Variants in CFAP61 observed in about 807,000 individuals in gnomAD.
The protein encoded by CFAP61 is cilia and flagella associated protein 61, also known as cilia- and flagella-associated protein 61.
CFAP61 carries 107 observed loss-of-function variants against 135.6 expected under a neutral mutation model. The observed-to-expected ratio is 0.79, with a 90% CI of 0.67 to 0.93. CFAP61 has a LOEUF of 0.93. Ranked by LOEUF, CFAP61 falls within the 40% of genes least tolerant of loss-of-function variation. CFAP61 has a pLI of 0.00. For synonymous variants in CFAP61, 575 were observed against 578.5 expected (o/e 0.99, Z 0.09); for missense variants, 1,507 against 1,556.2 (o/e 0.97, Z 0.53).
chr20:20,226,441 C>G (rs1036296364), intron 17 of CFAP61, among the ~76,000 whole-genome samples: 1 of 152,146 alleles, frequency 6.6e-6, no homozygotes, highest in South Asian at 2.1e-4. Flanking sequence ...TTGCATGAGC[C>G]AGAATAAGTG....
intron 9 of CFAP61, among the ~76,000 whole-genome samples, chr20:20,157,413 A>C (rs1002647409): frequency 1.3e-5 from 2 of 152,236 alleles, no homozygotes; most frequent in African/African-American, 2.4e-5. Flanking sequence ...AGTGTAATAT[A>C]GGTGCTAAGG....
intron 18 of CFAP61, among the ~76,000 whole-genome samples, chr20:20,233,751 T>G (rs1482215861): frequency 1.3e-5 from 2 of 152,202 alleles, no homozygotes; most frequent in Non-Finnish European, 2.9e-5. Flanking sequence ...TAAAAGCACC[T>G]TCATTTACTG....
intron 22 of CFAP61, among the ~76,000 whole-genome samples, chr20:20,285,267 C>T (rs1480313778): frequency 6.9e-6 from 1 of 145,860 alleles, no homozygotes; most frequent in African/African-American, 2.5e-5. Context: ...TATTATGTCT[C>T]TAAGCATGGT....
intron 8 of CFAP61, among the ~76,000 whole-genome samples, chr20:20,139,623 C>T (rs1260582426): frequency 6.6e-6 from 1 of 152,116 alleles, no homozygotes; most frequent in Non-Finnish European, 1.5e-5. Flanking sequence ...TCGCAAGACC[C>T]CAGAGACACT....
At chr20:20,137,736 T>A (rs2051048848) in intron 8 of CFAP61, among the ~76,000 whole-genome samples, 1 of 152,170 alleles carries the variant, frequency 6.6e-6, no homozygotes. Context: ...TGTTTGGTGC[T>A]CTTCCCCACT....
intron 25 of CFAP61, among the ~76,000 whole-genome samples, chr20:20,318,909 C>G (rs1429656885): frequency 1.2e-4 from 19 of 152,220 alleles, no homozygotes; most frequent in Admixed American, 1.2e-3. Context: ...TTGGCTCCTC[C>G]TTCCACTTCT....
At chr20:20,066,935 G>A (rs1162426823) in intron 2 of CFAP61, among the ~76,000 whole-genome samples, 2 of 152,122 alleles carry the variant, frequency 1.3e-5, no homozygotes, top group African/African-American at 4.8e-5. Flanking sequence ...AACTTTTTGT[G>A]ATGATGTAAA....
At chr20:20,145,781 A>G (rs6081893) in intron 9 of CFAP61, among the ~76,000 whole-genome samples, 31,003 of 152,128 alleles carry the variant, frequency 0.2, 3,523 homozygotes, top group African/African-American at 0.29. Flanking sequence ...TATAAGAGAT[A>G]ACAAAGGCCA....
chr20:20,357,077 GAGGAGGTGGTCACACTGA>G (rs1330039875), intron 26 of CFAP61, among the ~76,000 whole-genome samples: 94 of 115,776 alleles, frequency 8.1e-4, no homozygotes, highest in South Asian at 9.8e-4. Context: ...GTCACACTGA[GAGGAGGTGGTCACACTGA>G]GGGGAGGTGG....
At chr20:20,344,828 T>C (rs1440219479) in intron 26 of CFAP61, among the ~76,000 whole-genome samples, 1 of 152,044 alleles carries the variant, frequency 6.6e-6, no homozygotes, top group African/African-American at 2.4e-5. Flanking sequence ...CTACTCACAA[T>C]AGCCGAGATA....
chr20:20,171,569 C>A (rs1424530281), intron 13 of CFAP61, among the ~76,000 whole-genome samples: 1 of 152,098 alleles, frequency 6.6e-6, no homozygotes, highest in Non-Finnish European at 1.5e-5. Context: ...CAGATATTTT[C>A]GTTCATGTTT....
intron 8 of CFAP61, among the ~76,000 whole-genome samples, chr20:20,129,873 A>G (rs931174862): frequency 1.3e-5 from 2 of 151,148 alleles, no homozygotes; most frequent in East Asian, 3.9e-4. Flanking sequence ...TATTTGCTAC[A>G]TTTTCAGTAG....
At position 20,097,210 on chromosome 20, in the gene CFAP61, C is replaced by T. The variant is rs536245105; in HGVS notation, c.700-1445C>T. Among the ~76,000 whole-genome samples the T allele has an allele frequency of 1.2e-3, 183 of 151,748 alleles. 1 individual carries two copies. The highest frequency in any genetic ancestry group is 2.2e-3 in the Non-Finnish European group (151 of 67,944). On this transcript the variant is annotated intron_variant, in intron 7 of 26. Coordinates refer to ENST00000245957, the MANE Select transcript of CFAP61 (RefSeq NM_015585.4). Reference sequence around the variant, plus strand: ...ACTGGGCATTTATGGAAAGATGCTGCGTTCTTGGGAATAGAGAATGCCTGT... The same window carrying T: ...ACTGGGCATTTATGGAAAGATGCTGTGTTCTTGGGAATAGAGAATGCCTGT...
At chr20:20,234,896 C>T (rs1459586590) in intron 18 of CFAP61, among the ~76,000 whole-genome samples, 2 of 152,214 alleles carry the variant, frequency 1.3e-5, no homozygotes, top group East Asian at 3.8e-4. Context: ...CCTCCTCACA[C>T]ACCAGCCTGA....
chr20:20,323,402 A>T (rs573306933), intron 25 of CFAP61: 31 of 591,092 alleles, frequency 5.2e-5, no homozygotes, highest in Non-Finnish European at 6.6e-5. Flanking sequence ...GAAACCAAAT[A>T]ATAGACCCAT....
intron 17 of CFAP61, among the ~76,000 whole-genome samples, chr20:20,211,167 T>G (rs2047604422): frequency 1.3e-5 from 2 of 152,320 alleles, no homozygotes; most frequent in East Asian, 3.9e-4. Flanking sequence ...GAAAATGGCA[T>G]TTGAGTTCAT....
At chr20:20,137,255 A>G (rs1003775406) in intron 8 of CFAP61, among the ~76,000 whole-genome samples, 7 of 152,030 alleles carry the variant, frequency 4.6e-5, no homozygotes, top group African/African-American at 1.7e-4. Flanking sequence ...TGTAACCACT[A>G]CCTACATTCT....
intron 9 of CFAP61, 129 bp downstream of exon 9, chr20:20,143,077 A>G (rs2051552593): frequency 1.6e-6 from 1 of 609,214 alleles, no homozygotes; most frequent in Non-Finnish European, 3.0e-6. Context: ...AAAAGGCCTC[A>G]CTAGCAGTAA....
intron 24 of CFAP61, among the ~76,000 whole-genome samples, 198 bp downstream of exon 24, chr20:20,290,589 C>T (rs115236469): frequency 0.01 from 1,535 of 152,348 alleles, 32 homozygotes; most frequent in African/African-American, 0.035. Context: ...TCCTCCCACA[C>T]TGAGTAGGGC....
Sources: allele counts gnomAD v4.1 joint callset (sites outside exome capture counted in the v4.1 genomes callset), GRCh38; gene constraint gnomAD v4.1.1; transcripts MANE v1.5; gene names NCBI Gene and HGNC (gene_info 2026-07-23, HGNC 2026-07-21).